The following GLIS3 variants were observed in gnomAD, a reference collection of about 807,000 sequenced individuals.
GLIS3 encodes the protein GLIS family zinc finger 3.
Under a neutral mutation model 78.6 loss-of-function variants are expected in GLIS3, and 53 were observed. The ratio of observed to expected loss-of-function variants is 0.67; its 90% confidence interval spans 0.54 to 0.85. The LOEUF (loss-of-function observed/expected upper bound fraction) is 0.85. Ranked by LOEUF, GLIS3 falls within the 40% of genes least tolerant of loss-of-function variation. The pLI, the probability that GLIS3 is intolerant of heterozygous loss-of-function variation, is 0.00. For missense variants in GLIS3, 1,703 were observed against 1,231.1 expected (o/e 1.38, Z -5.74); for synonymous variants, 684 against 509.9 (o/e 1.34, Z -4.60).
the GLIS3 span, among the ~76,000 whole-genome samples, chr9:4,399,695 C>G: frequency 6.6e-6 from 1 of 151,978 alleles, no homozygotes; most frequent in South Asian, 2.1e-4. Context: ...TCAAGCAGCC[C>G]ACATCTGGAA....
rs1818869374 is a variant in GLIS3 at position 3,977,110 on chromosome 9, G to A, written c.1711-39921C>T. On this transcript the variant is annotated intron_variant, in intron 4 of 10. Coordinates refer to ENST00000381971, the MANE Select transcript of GLIS3 (RefSeq NM_001042413.2). This position sits in a 1 kb window ranked among gnomAD's most constrained non-coding sequence, Gnocchi z 4.1. ...GCAGGCTCTGAACTGCATACTGCTA[G>A]TTGATGACCAGTTTTCACTTAGGAT... 6.6e-6 allele frequency among the ~76,000 whole-genome samples: 1 copy of A among 152,114 alleles called. No individual in the cohort carries two copies. The highest frequency in any genetic ancestry group is 1.5e-5 in the Non-Finnish European group (1 of 68,026).
chr9:4,019,947 G>A (rs901087365), intron 4 of GLIS3, among the ~76,000 whole-genome samples: 12 of 152,058 alleles, frequency 7.9e-5, no homozygotes, highest in African/African-American at 1.7e-4. Flanking sequence ...TTGTAGAGAC[G>A]GGGTATTGTT....
chr9:3,993,775 T>G (rs1282578102), intron 4 of GLIS3, among the ~76,000 whole-genome samples: 2 of 152,246 alleles, frequency 1.3e-5, no homozygotes, highest in East Asian at 3.8e-4. Flanking sequence ...CATTTAATAT[T>G]GGCCTACTGC....
the GLIS3 span, among the ~76,000 whole-genome samples, chr9:4,382,165 G>C: frequency 6.6e-6 from 1 of 152,162 alleles, no homozygotes; most frequent in Admixed American, 6.5e-5. Flanking sequence ...CCTTTTATTT[G>C]AAACATCTAG....
intron 4 of GLIS3, among the ~76,000 whole-genome samples, chr9:4,004,382 G>C (rs1821373023): frequency 6.6e-6 from 1 of 152,102 alleles, no homozygotes; most frequent in Non-Finnish European, 1.5e-5. Flanking sequence ...TTTAATACAT[G>C]AATCACCTAA....
At chr9:4,442,176 T>G in the GLIS3 span, among the ~76,000 whole-genome samples, 1 of 152,232 alleles carries the variant, frequency 6.6e-6, no homozygotes, top group Non-Finnish European at 1.5e-5. Flanking sequence ...AATTCAGTAT[T>G]GGTAGGTTAC....
At chr9:4,253,323 C>G (rs7866485) in intron 2 of GLIS3, among the ~76,000 whole-genome samples, 146,398 of 152,360 alleles carry the variant, frequency 0.96, 70,589 homozygotes, top group East Asian at 1. Flanking sequence ...GGGGAATCTA[C>G]AGAGGCAGTC....
chr9:4,351,677 A>T (rs909559383), upstream of GLIS3, among the ~76,000 whole-genome samples: 1 of 152,132 alleles, frequency 6.6e-6, no homozygotes, highest in African/African-American at 2.4e-5. Flanking sequence ...CATTTTTTTA[A>T]AAAAATGTTG....
the GLIS3 span, among the ~76,000 whole-genome samples, chr9:4,411,031 A>T: frequency 6.6e-6 from 1 of 152,248 alleles, no homozygotes; most frequent in Non-Finnish European, 1.5e-5. Context: ...GAACCAAAAC[A>T]AGTATGTAAA....
At chr9:4,045,948 C>CG (rs1048465474) in intron 4 of GLIS3, among the ~76,000 whole-genome samples, 10 of 151,864 alleles carry the variant, frequency 6.6e-5, no homozygotes, top group East Asian at 1.9e-4. Flanking sequence ...CTTGGGAGAT[C>CG]GGGGGGGAAA....
upstream of GLIS3, among the ~76,000 whole-genome samples, chr9:4,352,456 G>A (rs867979498): frequency 1.3e-5 from 2 of 152,284 alleles, no homozygotes; most frequent in South Asian, 4.1e-4. Flanking sequence ...GAGGACTAAG[G>A]CATGGTGGGG....
At chr9:4,142,672 G>A (rs926878786) in intron 2 of GLIS3, among the ~76,000 whole-genome samples, 14 of 152,102 alleles carry the variant, frequency 9.2e-5, no homozygotes, top group African/African-American at 3.1e-4. Flanking sequence ...ATCCCCAAAA[G>A]TCATCGGGTA....
chr9:4,486,700 G>A, the GLIS3 span, among the ~76,000 whole-genome samples: 1 of 152,226 alleles, frequency 6.6e-6, no homozygotes, highest in Admixed American at 6.5e-5. Context: ...CAGTGTGAAA[G>A]TGCAATGGGT....
the GLIS3 span, among the ~76,000 whole-genome samples, chr9:4,445,580 G>C: frequency 6.6e-6 from 1 of 152,174 alleles, no homozygotes; most frequent in Non-Finnish European, 1.5e-5. Context: ...CTTACAGTGA[G>C]CTATGATTGC....
intron 2 of GLIS3, among the ~76,000 whole-genome samples, chr9:4,251,182 ATCTG>A (rs1346454497): frequency 1.3e-5 from 2 of 152,124 alleles, no homozygotes; most frequent in Admixed American, 1.3e-4. Context: ...TGTCCCATTG[ATCTG>A]TCTAATATTG....
At chr9:3,852,386 CACTT>C (rs1192128152) in intron 9 of GLIS3, among the ~76,000 whole-genome samples, 3 of 152,172 alleles carry the variant, frequency 2.0e-5, no homozygotes, top group Admixed American at 6.5e-5. Context: ...AACAAACACT[CACTT>C]GAGCTATTGC....
In GLIS3 at chr9:3,943,625, GA is replaced by G. The variant is rs1816092835; in HGVS notation, c.1711-6437del. ...CAGGGAAATCAGTGTAACCCAAACT[GA>G]GTTTCCAAAGGTTCCAAGTATCTAA... On this transcript the variant is annotated intron_variant, in intron 4 of 10. Coordinates refer to ENST00000381971, the MANE Select transcript of GLIS3 (RefSeq NM_001042413.2). Among the ~76,000 whole-genome samples, 3 of 152,208 alleles carry G rather than the reference GA, an allele frequency of 2.0e-5. No individual in the cohort carries two copies. In the South Asian group the frequency reaches 6.2e-4, roughly 32 times the overall value.
chr9:4,376,331 G>T, the GLIS3 span, among the ~76,000 whole-genome samples: 1 of 152,326 alleles, frequency 6.6e-6, no homozygotes. Context: ...TCCAAGGAGA[G>T]ATTTCAGAGG....
the GLIS3 span, among the ~76,000 whole-genome samples, chr9:4,443,729 A>G: frequency 2.6e-5 from 4 of 152,230 alleles, no homozygotes; most frequent in African/African-American, 4.8e-5. Flanking sequence ...AAGGAGTAAC[A>G]GGCTTATATG....
Sources: gnomAD v4.1 joint callset for allele counts (sites outside exome capture counted in the v4.1 genomes callset) on GRCh38, gnomAD v4.1.1 for gene constraint, Gnocchi (gnomAD v3.1) non-coding constraint, MANE v1.5 for transcripts, NCBI Gene and HGNC (gene_info 2026-07-23, HGNC 2026-07-21) for gene names.